PACSIN2: variants seen among roughly 807,000 people sequenced by gnomAD.
PACSIN2 encodes the protein protein kinase C and casein kinase substrate in neurons protein 2.
In PACSIN2, 25 loss-of-function variants were observed where a neutral mutation model predicts 63.8. That is an observed-to-expected ratio of 0.39 (90% CI 0.29 to 0.55). The LOEUF (loss-of-function observed/expected upper bound fraction) is 0.55, where lower values mean the gene tolerates loss of function less well. Among genes scored for constraint, PACSIN2 ranks in the 20% least tolerant of loss-of-function variants. The pLI is 0.62. For synonymous variants in PACSIN2, 255 were observed against 256.2 expected (o/e 1.00, Z 0.05); for missense variants, 518 against 646.9 (o/e 0.80, Z 2.16).
At chr22:43,005,188 T>C (rs1294641177) in intron 1 of PACSIN2, among the ~76,000 whole-genome samples, 1 of 152,210 alleles carries the variant, frequency 6.6e-6, no homozygotes, top group Non-Finnish European at 1.5e-5. Context: ...GCTCACACCT[T>C]TATCATTTGC....
At chr22:42,914,394 G>C (rs377165460) in intron 1 of PACSIN2, among the ~76,000 whole-genome samples, 2 of 152,074 alleles carry the variant, frequency 1.3e-5, no homozygotes, top group African/African-American at 4.8e-5. Context: ...CACCACGCTC[G>C]GCTAATTTTT....
At chr22:42,875,564 C>G (rs1437121858) in intron 10 of PACSIN2, among the ~76,000 whole-genome samples, 3 of 151,026 alleles carry the variant, frequency 2.0e-5, no homozygotes, top group Non-Finnish European at 4.4e-5. Context: ...GACACAAAGT[C>G]TTGCTCTGTC....
chr22:42,905,642 G>A (rs1931022134), intron 2 of PACSIN2, among the ~76,000 whole-genome samples: 1 of 152,238 alleles, frequency 6.6e-6, no homozygotes, highest in Non-Finnish European at 1.5e-5. Flanking sequence ...GGGAATGGCT[G>A]AGCACGCAGG....
chr22:42,978,734 T>G (rs1364694122), intron 1 of PACSIN2, among the ~76,000 whole-genome samples: 1 of 152,184 alleles, frequency 6.6e-6, no homozygotes, highest in Non-Finnish European at 1.5e-5. Flanking sequence ...AAAGTATGTT[T>G]GCATCCTGGC....
At chr22:42,947,384 C>A (rs1448379793) in intron 1 of PACSIN2, among the ~76,000 whole-genome samples, 1 of 152,192 alleles carries the variant, frequency 6.6e-6, no homozygotes, top group Non-Finnish European at 1.5e-5. Flanking sequence ...CACTTTCAGG[C>A]AGCCCCTTCT....
At chr22:42,987,494 C>CACACACACACACACACACACACACA (rs769969045) in intron 1 of PACSIN2, among the ~76,000 whole-genome samples, 1 of 67,980 alleles carries the variant, frequency 1.5e-5, no homozygotes, top group African/African-American at 6.1e-5. Flanking sequence ...ACACACACAC[C>CACACACACACACACACACACACACA]CATGGCACCA....
At chr22:42,967,925 T>G (rs1379677718) in intron 1 of PACSIN2, among the ~76,000 whole-genome samples, 1 of 152,150 alleles carries the variant, frequency 6.6e-6, no homozygotes, top group Non-Finnish European at 1.5e-5. Context: ...ATGATCAAAT[T>G]AGGTACTTTA....
intron 1 of PACSIN2, among the ~76,000 whole-genome samples, chr22:42,987,389 G>A (rs957356153): frequency 3.3e-5 from 5 of 149,604 alleles, no homozygotes; most frequent in African/African-American, 1.2e-4. Flanking sequence ...GGCTCTGCCC[G>A]AGGGACCTCA....
intron 1 of PACSIN2, among the ~76,000 whole-genome samples, chr22:42,967,550 G>A (rs1327260195): frequency 6.6e-6 from 1 of 152,120 alleles, no homozygotes; most frequent in Non-Finnish European, 1.5e-5. Flanking sequence ...GTGTTTCATC[G>A]TCTAGCATGA....
At chr22:42,992,048 G>A (rs183628683) in intron 1 of PACSIN2, among the ~76,000 whole-genome samples, 2 of 152,240 alleles carry the variant, frequency 1.3e-5, no homozygotes, top group Admixed American at 1.3e-4. Flanking sequence ...TTCTTCAAAA[G>A]ATACTGTTAA....
chr22:42,886,377 A>G (rs1331311011), intron 5 of PACSIN2, among the ~76,000 whole-genome samples: 1 of 152,242 alleles, frequency 6.6e-6, no homozygotes, highest in East Asian at 1.9e-4. Flanking sequence ...GATAAGAAAC[A>G]TGAAAGTACA....
intron 1 of PACSIN2, among the ~76,000 whole-genome samples, chr22:42,927,644 A>G (rs948100529): frequency 9.9e-5 from 15 of 151,844 alleles, no homozygotes; most frequent in Non-Finnish European, 7.4e-5. Context: ...TTGGAGTGCA[A>G]TGGCGTGATC....
At chr22:42,937,960 T>C (rs1178920451) in intron 1 of PACSIN2, among the ~76,000 whole-genome samples, 2 of 152,228 alleles carry the variant, frequency 1.3e-5, no homozygotes, top group African/African-American at 4.8e-5. Context: ...AAGTCTCACC[T>C]GCGCCTGCCT....
chr22:42,964,418 G>GAA lies in PACSIN2; in HGVS notation c.-78+50601_-78+50602dup, dbSNP rs34545773. Among the ~76,000 whole-genome samples, 919 of 135,206 alleles carry GAA rather than the reference G, an allele frequency of 6.8e-3. 6 individuals carry two copies. The highest frequency in any genetic ancestry group is 0.017 in the African/African-American group (609 of 36,570). 88.7% of individuals were successfully genotyped at this position (135,206 alleles called of 152,430 possible). ...GGGCGACAGAGCGAGACTCCGTCTGGAAAAAAAAAAAAAAAAGGTGATTCT... is the reference window on the plus strand; with the variant it reads ...GGGCGACAGAGCGAGACTCCGTCTGGAAAAAAAAAAAAAAAAAAGGTGATTCT... On this transcript the variant is annotated intron_variant, in intron 1 of 10. Coordinates refer to ENST00000263246, the MANE Select transcript of PACSIN2 (RefSeq NM_001184970.3).
At chr22:42,918,050 G>A (rs1931929081) in intron 1 of PACSIN2, among the ~76,000 whole-genome samples, 1 of 152,192 alleles carries the variant, frequency 6.6e-6, no homozygotes, top group South Asian at 2.1e-4. Flanking sequence ...CAGAATCGTG[G>A]TGAGGGTCAA....
At chr22:42,879,824 G>A (rs1389224734) in intron 7 of PACSIN2, among the ~76,000 whole-genome samples, 1 of 152,230 alleles carries the variant, frequency 6.6e-6, no homozygotes, top group Non-Finnish European at 1.5e-5. Flanking sequence ...GGGCAGGCAA[G>A]CAGACTCTCA....
At chr22:42,918,526 T>G (rs1330273333) in intron 1 of PACSIN2, among the ~76,000 whole-genome samples, 3 of 152,206 alleles carry the variant, frequency 2.0e-5, no homozygotes, top group Non-Finnish European at 4.4e-5. Flanking sequence ...TTCCATTTGA[T>G]GAAAAGGCAA....
chr22:42,894,250 G>GT (rs35729516), intron 2 of PACSIN2, among the ~76,000 whole-genome samples: 62,982 of 148,816 alleles, frequency 0.42, 13,585 homozygotes, highest in Non-Finnish European at 0.48. Context: ...GAAGGCAATT[G>GT]TTTTTTTTTT....
chr22:43,014,365 C>CACACACACACA (rs1227376539), intron 1 of PACSIN2, among the ~76,000 whole-genome samples: 8 of 9,364 alleles, frequency 8.5e-4, no homozygotes, highest in African/African-American at 3.5e-3. Context: ...CACACACACA[C>CACACACACACA]CACCCCCCCC....
Sources: gnomAD v4.1 joint callset for allele counts (sites outside exome capture counted in the v4.1 genomes callset) on GRCh38, gnomAD v4.1.1 for gene constraint, MANE v1.5 for transcripts, NCBI Gene and HGNC (gene_info 2026-07-23, HGNC 2026-07-21) for gene names.